DPP6: variants seen among roughly 807,000 people sequenced by gnomAD.
DPP6 encodes the protein A-type potassium channel modulatory protein DPP6.
DPP6 carries 69 observed loss-of-function variants against 122.6 expected under a neutral mutation model. The observed-to-expected ratio is 0.56, with a 90% CI of 0.46 to 0.69. The LOEUF (loss-of-function observed/expected upper bound fraction) is 0.69, where lower values mean the gene tolerates loss of function less well. Among genes scored for constraint, DPP6 ranks in the 30% least tolerant of loss-of-function variants. DPP6 has a pLI of 0.00. For synonymous variants in DPP6, 418 were observed against 433.1 expected (o/e 0.97, Z 0.43); for missense variants, 928 against 1,116.9 (o/e 0.83, Z 2.41).
intron 7 of DPP6, among the ~76,000 whole-genome samples, chr7:154,708,973 A>G (rs147293991): frequency 9.9e-5 from 15 of 152,252 alleles, no homozygotes; most frequent in Middle Eastern, 3.4e-3. Context: ...GCTTGAGCCC[A>G]GGAGACAGAG....
intron 1 of DPP6, among the ~76,000 whole-genome samples, chr7:154,072,673 A>G (rs1231031928): frequency 2.6e-5 from 4 of 152,280 alleles, no homozygotes; most frequent in Admixed American, 2.6e-4. Context: ...TTCATTGCAC[A>G]CCAAGGGTTA....
At chr7:154,687,971 C>T (rs969075114) in intron 7 of DPP6, among the ~76,000 whole-genome samples, 1 of 152,306 alleles carries the variant, frequency 6.6e-6, no homozygotes, top group African/African-American at 2.4e-5. Context: ...ATTTATCAAA[C>T]TTCTGTGTAT....
intron 1 of DPP6, among the ~76,000 whole-genome samples, chr7:154,297,715 C>T (rs747703439): frequency 2.0e-5 from 3 of 152,184 alleles, no homozygotes; most frequent in Non-Finnish European, 4.4e-5. Context: ...CCAGGGATAG[C>T]ATGGCTCCTC....
intron 1 of DPP6, among the ~76,000 whole-genome samples, chr7:154,231,878 C>T (rs1800939580): frequency 6.6e-6 from 1 of 152,168 alleles, no homozygotes; most frequent in Non-Finnish European, 1.5e-5. Flanking sequence ...ACTTGTAGCC[C>T]TTGAGGTCAA....
chr7:154,444,215 T>C (rs1310592763), intron 1 of DPP6, among the ~76,000 whole-genome samples: 3 of 151,910 alleles, frequency 2.0e-5, no homozygotes, highest in Admixed American at 2.0e-4. Context: ...CCCAGCACTT[T>C]GGGAGGCCGA....
At position 153,996,645 on chromosome 7, in the gene DPP6, A is replaced by G. The variant is rs1054828470; in HGVS notation, c.51+108911A>G. ...TGTAGGGTGTGTATTTTCCCTTCAA[A>G]CTCATTTACCTTTGCAGCCCTCTTG... On this transcript the variant is annotated intron_variant, in intron 1 of 25. Transcript: ENST00000404039. Among the ~76,000 whole-genome samples, 25 of 151,850 alleles carry G rather than the reference A, an allele frequency of 1.6e-4. 1 individual carries two copies. The highest frequency in any genetic ancestry group is 6.0e-4 in the African/African-American group (25 of 41,390).
intron 1 of DPP6, among the ~76,000 whole-genome samples, chr7:153,981,236 TG>T (rs1267345711): frequency 2.0e-5 from 3 of 152,236 alleles, no homozygotes; most frequent in Admixed American, 2.0e-4. Context: ...GCTCCTGTAT[TG>T]GGTGCATACA....
chr7:154,576,174 C>T (rs1831656551), intron 5 of DPP6, among the ~76,000 whole-genome samples: 1 of 152,086 alleles, frequency 6.6e-6, no homozygotes, highest in Admixed American at 6.5e-5. Context: ...CTCTACTTCC[C>T]CGTGCCCCCA....
chr7:154,340,116 A>T (rs191177271), intron 1 of DPP6, among the ~76,000 whole-genome samples: 1 of 152,192 alleles, frequency 6.6e-6, no homozygotes, highest in Non-Finnish European at 1.5e-5. Context: ...TAGAAACACA[A>T]CATCAAAATT....
chr7:154,599,199 GC>G (rs1346356899), intron 5 of DPP6, among the ~76,000 whole-genome samples: 1 of 152,194 alleles, frequency 6.6e-6, no homozygotes, highest in Non-Finnish European at 1.5e-5. Context: ...AGAGAACTCA[GC>G]AGTCTCCCCT....
intron 3 of DPP6, among the ~76,000 whole-genome samples, chr7:154,485,388 A>G (rs1005046626): frequency 1.3e-5 from 2 of 152,156 alleles, no homozygotes; most frequent in East Asian, 3.9e-4. Context: ...TGTCATGCTC[A>G]AGGTCGCACC....
At chr7:154,366,402 G>A (rs1369034554) in intron 1 of DPP6, among the ~76,000 whole-genome samples, 2 of 152,194 alleles carry the variant, frequency 1.3e-5, no homozygotes, top group South Asian at 2.1e-4. Context: ...GAGGTTGACC[G>A]GATGCCTTAA....
At chr7:153,943,338 A>G (rs958251286) in intron 1 of DPP6, among the ~76,000 whole-genome samples, 7 of 152,188 alleles carry the variant, frequency 4.6e-5, no homozygotes, top group African/African-American at 1.7e-4. Context: ...AAAATGTATT[A>G]TATGTCCGAG....
intron 5 of DPP6, among the ~76,000 whole-genome samples, chr7:154,612,782 C>T (rs1302062026): frequency 3.3e-5 from 5 of 152,162 alleles, no homozygotes; most frequent in African/African-American, 1.2e-4. Flanking sequence ...ACTCAGTTTC[C>T]CTCTGTCCTC....
At chr7:153,918,487 C>CTTTT (rs1800445814) in intron 1 of DPP6, among the ~76,000 whole-genome samples, 1 of 130,864 alleles carries the variant, frequency 7.6e-6, no homozygotes, top group Non-Finnish European at 1.7e-5. Context: ...CTCTCTCTCT[C>CTTTT]TCTTTTTCTG....
intron 1 of DPP6, among the ~76,000 whole-genome samples, chr7:154,203,129 CA>C (rs1799257609): frequency 6.6e-6 from 1 of 152,114 alleles, no homozygotes; most frequent in African/African-American, 2.4e-5. Context: ...AAAATCATAA[CA>C]ATACATTTTG....
intron 1 of DPP6, among the ~76,000 whole-genome samples, chr7:154,388,682 A>C (rs1253611586): frequency 6.6e-6 from 1 of 152,106 alleles, no homozygotes; most frequent in African/African-American, 2.4e-5. Context: ...GCTGGAGGGC[A>C]TGAGGGTGGG....
intron 1 of DPP6, among the ~76,000 whole-genome samples, chr7:154,177,042 C>G (rs1797840731): frequency 6.6e-6 from 1 of 152,038 alleles, no homozygotes; most frequent in African/African-American, 2.4e-5. Context: ...TCATGTTGCC[C>G]AGGCTGGTCT....
At chr7:153,871,803 A>G in the DPP6 span, among the ~76,000 whole-genome samples, 3 of 152,092 alleles carry the variant, frequency 2.0e-5, no homozygotes, top group Non-Finnish European at 4.4e-5. Context: ...CCACCCCAAA[A>G]ATAGTGTATT....
Sources: allele counts gnomAD v4.1 joint callset (sites outside exome capture counted in the v4.1 genomes callset), GRCh38; gene constraint gnomAD v4.1.1; transcripts MANE v1.5; gene names NCBI Gene and HGNC (gene_info 2026-07-23, HGNC 2026-07-21).